Variants in PDE1C observed in about 807,000 individuals in gnomAD.
PDE1C encodes the protein dual specificity calcium/calmodulin-dependent 3',5'-cyclic nucleotide phosphodiesterase 1C.
Under a neutral mutation model 93.1 loss-of-function variants are expected in PDE1C, and 62 were observed. The observed-to-expected ratio is 0.67, with a 90% CI of 0.54 to 0.82. PDE1C has a LOEUF of 0.82. Among genes scored for constraint, PDE1C ranks in the 40% least tolerant of loss-of-function variants. The probability of loss-of-function intolerance (pLI) is 0.00; values close to 1 mark genes in which losing one functional copy is unlikely to be tolerated. For synonymous variants in PDE1C, 325 were observed against 310.1 expected, an observed-to-expected ratio of 1.05 and a Z score of -0.50; for missense variants, 742 against 884.6, an observed-to-expected ratio of 0.84 and a Z score of 2.04.
the PDE1C span, chr7:31,697,176 C>G: frequency 6.3e-7 from 1 of 1,583,008 alleles, no homozygotes; most frequent in Non-Finnish European, 8.6e-7. Flanking sequence ...AAGAACCTTA[C>G]CATCTGGAGG....
intron 17 of PDE1C, among the ~76,000 whole-genome samples, chr7:31,772,057 A>AG (rs1795524740): frequency 6.6e-6 from 1 of 151,848 alleles, no homozygotes; most frequent in African/African-American, 2.4e-5. Context: ...AAAAAAAAAA[A>AG]AAAAAGAAGA....
intron 3 of PDE1C, among the ~76,000 whole-genome samples, chr7:32,113,122 A>G (rs1798768308): frequency 6.7e-6 from 1 of 149,022 alleles, no homozygotes; most frequent in Non-Finnish European, 1.5e-5. Context: ...ATAGAAATAA[A>G]AGGAGAAATG....
At chr7:32,347,839 A>G (rs779614228) in intron 1 of PDE1C, among the ~76,000 whole-genome samples, 4 of 152,224 alleles carry the variant, frequency 2.6e-5, no homozygotes, top group Non-Finnish European at 5.9e-5. Context: ...AGTCCAGCCA[A>G]TGCTTTGACT....
In PDE1C at chr7:32,329,872, C is replaced by T. The variant is rs76114184; in HGVS notation, c.310+97950G>A. On this transcript the variant is annotated intron_variant, in intron 1 of 1. Transcript: ENST00000672256. ...TGCCGAAAACCGGTGGAAAGGAACTCGAGATGGATTACTAACAGCTTCAGG... is the reference window on the plus strand; with the variant it reads ...TGCCGAAAACCGGTGGAAAGGAACTTGAGATGGATTACTAACAGCTTCAGG... Among the ~76,000 whole-genome samples, 632 of 152,272 alleles carry T rather than the reference C, an allele frequency of 4.2e-3. 7 individuals carry two copies. The highest frequency in any genetic ancestry group is 0.014 in the African/African-American group (581 of 41,572).
At chr7:32,313,952 A>G (rs1185160735) in intron 1 of PDE1C, among the ~76,000 whole-genome samples, 2 of 152,092 alleles carry the variant, frequency 1.3e-5, no homozygotes, top group Admixed American at 1.3e-4. Flanking sequence ...CCAAATGTGA[A>G]ACCAAAAACA....
chr7:32,315,283 G>T (rs1326497827), intron 1 of PDE1C, among the ~76,000 whole-genome samples: 1 of 151,934 alleles, frequency 6.6e-6, no homozygotes. Context: ...GCAGCCCAGG[G>T]ATGTGGCTTT....
At chr7:32,019,032 CT>C (rs1788290643) in intron 2 of PDE1C, among the ~76,000 whole-genome samples, 1 of 151,558 alleles carries the variant, frequency 6.6e-6, no homozygotes, top group African/African-American at 2.4e-5. Context: ...ACATTAACTC[CT>C]TATTCAGTAC....
chr7:31,919,191 G>A (rs964019659), intron 2 of PDE1C, among the ~76,000 whole-genome samples: 10 of 152,212 alleles, frequency 6.6e-5, no homozygotes, highest in Admixed American at 1.3e-4. Flanking sequence ...CCAAGAACTC[G>A]GACTAGACAG....
At chr7:32,396,532 G>A (rs76838042) in intron 1 of PDE1C, among the ~76,000 whole-genome samples, 1 of 146,394 alleles carries the variant, frequency 6.8e-6, no homozygotes, top group Non-Finnish European at 1.5e-5. Flanking sequence ...TGGGGGGGGG[G>A]AGTGTTGTAA....
chr7:31,915,551 T>C (rs945404308), intron 2 of PDE1C, among the ~76,000 whole-genome samples: 3 of 152,232 alleles, frequency 2.0e-5, no homozygotes, highest in African/African-American at 4.8e-5. Context: ...GTACTTTGTA[T>C]TTCACTGAAT....
chr7:31,732,635 T>TG, the PDE1C span, among the ~76,000 whole-genome samples: 462 of 87,726 alleles, frequency 5.3e-3, 5 homozygotes, highest in African/African-American at 0.022. Flanking sequence ...CTCTCCTCTC[T>TG]TTCTGTGTGT....
At position 31,815,949 on chromosome 7, in the gene PDE1C, C is replaced by T. The variant is rs1370212059; in HGVS notation, c.1788G>A (p.Lys596=). Residue 596 remains lysine (K), a synonymous_variant, in exon 15 of 18, where the codon AAG becomes AAA. Coordinates refer to ENST00000396191, the MANE Select transcript of PDE1C (RefSeq NM_001191057.4). The part of the protein sequence containing the change: ...NPRGKNSKAE[K]SSGEQQQNGD... ...CATTCTGTTGCTGTTCTCCTGATGACTTCTCGGCTTTGGAGTTTTTCCCAC... is the reference window on the plus strand; with the variant it reads ...CATTCTGTTGCTGTTCTCCTGATGATTTCTCGGCTTTGGAGTTTTTCCCAC... The T allele has an allele frequency of 4.3e-6, 7 of 1,613,434 alleles. No homozygotes were observed. In the East Asian group the frequency reaches 1.1e-4, roughly 26 times the overall value.
intron 15 of PDE1C, among the ~76,000 whole-genome samples, chr7:31,810,040 A>G (rs972631298): frequency 3.9e-5 from 6 of 152,090 alleles, no homozygotes; most frequent in Admixed American, 2.6e-4. Flanking sequence ...GCAACAGCTG[A>G]GCTGAATAGT....
the PDE1C span, among the ~76,000 whole-genome samples, chr7:31,650,821 C>A: frequency 4.6e-5 from 7 of 152,130 alleles, no homozygotes; most frequent in Admixed American, 4.6e-4. Context: ...CTTACTCTGG[C>A]ACTTCCCCTC....
At chr7:31,617,065 G>T in the PDE1C span, among the ~76,000 whole-genome samples, 1 of 152,208 alleles carries the variant, frequency 6.6e-6, no homozygotes, top group African/African-American at 2.4e-5. Flanking sequence ...GTAAACAGCT[G>T]TAGGGAGCTA....
At chr7:32,122,382 C>T (rs1441136349) in intron 3 of PDE1C, among the ~76,000 whole-genome samples, 2 of 152,178 alleles carry the variant, frequency 1.3e-5, no homozygotes, top group East Asian at 3.9e-4. Flanking sequence ...TTGACATCCA[C>T]AGAACTTTCC....
At chr7:32,306,388 C>T (rs1206328024) in intron 1 of PDE1C, among the ~76,000 whole-genome samples, 2 of 152,142 alleles carry the variant, frequency 1.3e-5, no homozygotes, top group Non-Finnish European at 2.9e-5. Context: ...GCCTGTGAGT[C>T]ATTACTCTTC....
intron 2 of PDE1C, among the ~76,000 whole-genome samples, chr7:31,948,791 T>A (rs558111547): frequency 6.6e-6 from 1 of 152,238 alleles, no homozygotes; most frequent in African/African-American, 2.4e-5. Context: ...AAGTGATAGA[T>A]TATAGTTTAA....
At chr7:31,687,560 T>G in the PDE1C span, among the ~76,000 whole-genome samples, 4 of 152,206 alleles carry the variant, frequency 2.6e-5, no homozygotes, top group Non-Finnish European at 5.9e-5. Context: ...AGTTGGTGTA[T>G]CTGCATATTC....
Sources: allele counts gnomAD v4.1 joint callset (sites outside exome capture counted in the v4.1 genomes callset), GRCh38; gene constraint gnomAD v4.1.1; transcripts MANE v1.5; gene names NCBI Gene and HGNC (gene_info 2026-07-23, HGNC 2026-07-21).